MOB3B: variants seen among roughly 807,000 people sequenced by gnomAD.
MOB3B encodes the protein MOB kinase activator 3B, also known as MOB kinase activator-like 2B.
A neutral mutation model predicts 18.7 loss-of-function variants in MOB3B; 7 were observed. The ratio of observed to expected loss-of-function variants is 0.37; its 90% CI spans 0.21 to 0.70. The LOEUF (loss-of-function observed/expected upper bound fraction) is 0.70, where lower values mean the gene tolerates loss of function less well. MOB3B is among the 30% of genes least tolerant of loss of function. The probability of loss-of-function intolerance (pLI) is 0.52; values close to 1 mark genes in which losing one functional copy is unlikely to be tolerated. For synonymous variants in MOB3B, 111 were observed against 99.9 expected (o/e 1.11, Z -0.66); for missense variants, 253 against 281.3 (o/e 0.90, Z 0.72).
chr9:27,339,000 C>T (rs755998140), intron 3 of MOB3B, among the ~76,000 whole-genome samples: 11 of 152,110 alleles, frequency 7.2e-5, no homozygotes, highest in Non-Finnish European at 1.3e-4. Context: ...TCTGCTTTCC[C>T]GGACCATTCC....
intron 1 of MOB3B, among the ~76,000 whole-genome samples, chr9:27,514,555 G>A (rs1223239652): frequency 6.6e-6 from 1 of 152,182 alleles, no homozygotes; most frequent in Non-Finnish European, 1.5e-5. Context: ...TGTGTCTACA[G>A]ATTATTTTCC....
intron 1 of MOB3B, among the ~76,000 whole-genome samples, chr9:27,508,200 A>ATAAT (rs1186983328): frequency 1.3e-5 from 2 of 152,232 alleles, no homozygotes; most frequent in Admixed American, 6.5e-5. Flanking sequence ...TGATATGAGA[A>ATAAT]TAATGCCTTT....
At chr9:27,419,790 A>C (rs1209967143) in intron 2 of MOB3B, among the ~76,000 whole-genome samples, 3 of 152,220 alleles carry the variant, frequency 2.0e-5, no homozygotes, top group Admixed American at 2.0e-4. Context: ...CAATAAAAAC[A>C]AAGACAAATA....
intron 3 of MOB3B, among the ~76,000 whole-genome samples, chr9:27,339,197 A>C (rs1016773938): frequency 3.3e-5 from 5 of 152,200 alleles, no homozygotes; most frequent in Non-Finnish European, 5.9e-5. Flanking sequence ...AGAGGAGGGT[A>C]AAGGGACCAG....
chr9:27,420,232 T>C (rs1822221008), intron 2 of MOB3B, among the ~76,000 whole-genome samples: 1 of 152,074 alleles, frequency 6.6e-6, no homozygotes, highest in African/African-American at 2.4e-5. Context: ...ACAGGCACTA[T>C]GGAAAACAGT....
At chr9:27,422,896 G>A (rs143111136) in intron 2 of MOB3B, among the ~76,000 whole-genome samples, 20 of 152,226 alleles carry the variant, frequency 1.3e-4, no homozygotes, top group African/African-American at 4.6e-4. Context: ...AAAAAAGCTG[G>A]GAATATGTAT....
chr9:27,492,351 A>G (rs1321195827), intron 1 of MOB3B, among the ~76,000 whole-genome samples: 1 of 152,236 alleles, frequency 6.6e-6, no homozygotes, highest in Non-Finnish European at 1.5e-5. Context: ...AAACTTGACA[A>G]GAAAAATAAA....
At chr9:27,492,506 T>C (rs1167744787) in intron 1 of MOB3B, among the ~76,000 whole-genome samples, 1 of 152,154 alleles carries the variant, frequency 6.6e-6, no homozygotes, top group East Asian at 1.9e-4. Context: ...ACTCTCAAGA[T>C]GAGGTCTACC....
intron 1 of MOB3B, among the ~76,000 whole-genome samples, chr9:27,512,001 T>C (rs922398537): frequency 6.0e-5 from 5 of 83,410 alleles, no homozygotes; most frequent in Non-Finnish European, 1.3e-4. Flanking sequence ...CTGACAGTGT[T>C]GTGTGTCCCT....
intron 2 of MOB3B, chr9:27,397,325 C>T (rs1008083610): frequency 6.6e-6 from 1 of 151,700 alleles, no homozygotes; most frequent in African/African-American, 2.4e-5. Flanking sequence ...AAAAGATCAT[C>T]AAGATTGCTA....
rs186753063 is a variant in MOB3B, at chr9:27,361,770, G to A, written c.419-2534C>T. Among the ~76,000 whole-genome samples, 48 of 152,338 alleles carry A rather than the reference G, an allele frequency of 3.2e-4. No individual in the cohort carries two copies. The East Asian group carries it at 5.8e-3, about 18-fold the overall frequency. ...AGTAGAGGAGAGATTTAGCCAGTTA[G>A]TCTGACTCCAAAGTCCACGAGCACT... is the stretch of plus-strand genomic sequence containing the variant. On this transcript the variant is annotated intron_variant, in intron 2 of 3. Coordinates refer to ENST00000262244, the MANE Select transcript of MOB3B (RefSeq NM_024761.5).
At chr9:27,494,440 C>T (rs1819868626) in intron 1 of MOB3B, among the ~76,000 whole-genome samples, 1 of 152,174 alleles carries the variant, frequency 6.6e-6, no homozygotes. Flanking sequence ...TGATGTCTCC[C>T]TTGGATGCCC....
intron 1 of MOB3B, among the ~76,000 whole-genome samples, chr9:27,503,590 C>G (rs1381046385): frequency 6.6e-6 from 1 of 152,228 alleles, no homozygotes; most frequent in Non-Finnish European, 1.5e-5. Flanking sequence ...CAGATTCTGA[C>G]TTGAACCTTG....
chr9:27,464,750 G>A (rs28526587), intron 1 of MOB3B, among the ~76,000 whole-genome samples: 316 of 152,236 alleles, frequency 2.1e-3, no homozygotes, highest in Middle Eastern at 3.4e-3. Context: ...GAATCATGGC[G>A]GGAGGTGGAA....
chr9:27,415,416 T>C (rs1020917786), intron 2 of MOB3B, among the ~76,000 whole-genome samples: 2 of 130,356 alleles, frequency 1.5e-5, no homozygotes, highest in Admixed American at 8.1e-5. Context: ...GGGAACTATG[T>C]ACTTTTTTTT....
chr9:27,474,218 G>A (rs1587241601), intron 1 of MOB3B, among the ~76,000 whole-genome samples: 1 of 152,144 alleles, frequency 6.6e-6, no homozygotes, highest in Non-Finnish European at 1.5e-5. Context: ...TAAAGTAATA[G>A]TGATAATAAT....
chr9:27,435,114 T>A (rs2814704), intron 2 of MOB3B, among the ~76,000 whole-genome samples: 60,671 of 151,090 alleles, frequency 0.4, 12,475 homozygotes, highest in South Asian at 0.46. Flanking sequence ...AAAGGGATGG[T>A]TAAATGAGGA....
rs942923480 is a variant in MOB3B at position 27,500,741 on chromosome 9, G to GT, written c.-199+28813dup. Among the ~76,000 whole-genome samples, 61 of 152,212 alleles carry GT rather than the reference G, an allele frequency of 4.0e-4. 1 individual carries two copies. Among genetic ancestry groups the GT allele is most frequent in the African/African-American group, 1.5e-3 (61 of 41,538 alleles). ...AGCAATGGCAACAAAAACCAAAACTGTCAAATGGGATCTAATTAAACTAAA... is the reference window on the plus strand; with the variant it reads ...AGCAATGGCAACAAAAACCAAAACTGTTCAAATGGGATCTAATTAAACTAAA... On this transcript the variant is annotated intron_variant, in intron 1 of 3. Transcript: ENST00000262244.
intron 3 of MOB3B, among the ~76,000 whole-genome samples, chr9:27,343,186 T>C (rs1587142694): frequency 1.3e-5 from 2 of 151,632 alleles, no homozygotes; most frequent in Non-Finnish European, 2.9e-5. Flanking sequence ...CCCAACCCCG[T>C]GCTCTCTGAA....
Sources: gnomAD v4.1 joint callset for allele counts (sites outside exome capture counted in the v4.1 genomes callset) on GRCh38, gnomAD v4.1.1 for gene constraint, MANE v1.5 for transcripts, NCBI Gene and HGNC (gene_info 2026-07-23, HGNC 2026-07-21) for gene names.